The following IQCJ variants were observed in gnomAD, a reference collection of about 807,000 sequenced individuals.
IQCJ encodes IQ domain-containing protein J.
In IQCJ, 9 loss-of-function variants were observed where a neutral mutation model predicts 11.0. That is an observed-to-expected ratio of 0.82 (90% CI 0.49 to 1.43). The LOEUF (loss-of-function observed/expected upper bound fraction) is 1.43. Among genes scored for constraint, IQCJ ranks in the 40% most tolerant of loss-of-function variants. IQCJ has a pLI of 0.00. For missense variants in IQCJ, 146 were observed against 133.2 expected (o/e 1.10, Z -0.47); for synonymous variants, 55 against 51.3 (o/e 1.07, Z -0.31).
chr3:159,195,123 A>AT (rs71144476), intron 1 of IQCJ, among the ~76,000 whole-genome samples: 35 of 151,360 alleles, frequency 2.3e-4, no homozygotes, highest in African/African-American at 7.5e-4. Context: ...AAAAAAAAAA[A>AT]TCTGTATCAC....
chr3:159,112,273 A>G (rs1281245491), intron 1 of IQCJ, among the ~76,000 whole-genome samples: 1 of 152,048 alleles, frequency 6.6e-6, no homozygotes, highest in Non-Finnish European at 1.5e-5. Context: ...GATTTCTGCC[A>G]TTTGTTTATT....
At chr3:159,077,487 G>A (rs1716003589) in intron 1 of IQCJ, among the ~76,000 whole-genome samples, 1 of 152,068 alleles carries the variant, frequency 6.6e-6, no homozygotes, top group Admixed American at 6.6e-5. Context: ...AATAATTTAT[G>A]TTATATCCAT....
rs1436350247 is a variant in IQCJ at position 159,244,220 on chromosome 3, G to A, written c.10-1623G>A. On this transcript the variant is annotated intron_variant, in intron 1 of 3. Coordinates refer to ENST00000397832, the MANE Select transcript of IQCJ (RefSeq NM_001042706.3). ...TTTAGAGAAGAGATCAGATACAAAT[G>A]TAAAATAGAAGCTGTGAGACTGGCT... Among the ~76,000 whole-genome samples, 6 of 152,290 alleles carry A rather than the reference G, an allele frequency of 3.9e-5. No individual in the cohort carries two copies. The South Asian group carries it at 8.3e-4, about 21-fold the overall frequency.
chr3:159,199,586 C>T (rs181087575), intron 1 of IQCJ, among the ~76,000 whole-genome samples: 218 of 152,110 alleles, frequency 1.4e-3, no homozygotes, highest in African/African-American at 4.9e-3. Context: ...ACAGTTAAAG[C>T]GACAATCATT....
chr3:159,200,029 A>AATATATATATATATATATATAT, intron 1 of IQCJ, among the ~76,000 whole-genome samples: 1 of 98,040 alleles, frequency 1.0e-5, no homozygotes, highest in African/African-American at 5.7e-5. Flanking sequence ...GGAGTAAACG[A>AATATATATATATATATATATAT]CTATATATAT....
At chr3:159,119,749 T>C (rs1269096871) in intron 1 of IQCJ, among the ~76,000 whole-genome samples, 1 of 152,174 alleles carries the variant, frequency 6.6e-6, no homozygotes, top group African/African-American at 2.4e-5. Flanking sequence ...CAAAATCTCA[T>C]GCAGAACTTC....
intron 1 of IQCJ, among the ~76,000 whole-genome samples, chr3:159,074,440 A>ACCAGAAAT (rs1476723813): frequency 6.6e-6 from 1 of 152,114 alleles, no homozygotes; most frequent in African/African-American, 2.4e-5. Context: ...ATGTATAAGA[A>ACCAGAAAT]CCAGAAATGG....
At chr3:159,255,491 C>G (rs1577119275) in intron 3 of IQCJ, among the ~76,000 whole-genome samples, 1 of 152,144 alleles carries the variant, frequency 6.6e-6, no homozygotes, top group Non-Finnish European at 1.5e-5. Flanking sequence ...GATGGTTCCT[C>G]GTACTCAGGA....
chr3:159,155,487 C>T (rs1451435893), intron 1 of IQCJ, among the ~76,000 whole-genome samples: 1 of 152,150 alleles, frequency 6.6e-6, no homozygotes, highest in Non-Finnish European at 1.5e-5. Flanking sequence ...TAACAGTTAG[C>T]TAACATGGAT....
chr3:159,189,906 T>G (rs1253870707), intron 1 of IQCJ, among the ~76,000 whole-genome samples: 1 of 152,180 alleles, frequency 6.6e-6, no homozygotes, highest in Non-Finnish European at 1.5e-5. Context: ...TCCTCAAGTC[T>G]GCACTTATGC....
intron 1 of IQCJ, among the ~76,000 whole-genome samples, chr3:159,224,246 C>A (rs1194526474): frequency 1.3e-5 from 2 of 151,986 alleles, no homozygotes; most frequent in African/African-American, 4.8e-5. Context: ...CAAAGTAGAA[C>A]AATTTGAGTT....
intron 1 of IQCJ, among the ~76,000 whole-genome samples, chr3:159,188,133 G>A (rs191296309): frequency 3.3e-5 from 5 of 152,134 alleles, no homozygotes; most frequent in Admixed American, 2.0e-4. Flanking sequence ...TACTTTGGCC[G>A]GGCGCTGTGG....
At chr3:159,120,173 A>G (rs758912891) in intron 1 of IQCJ, among the ~76,000 whole-genome samples, 27 of 152,180 alleles carry the variant, frequency 1.8e-4, no homozygotes, top group African/African-American at 1.2e-4. Context: ...GCATACCCCC[A>G]GCAGTGCTGG....
chr3:159,236,545 T>C (rs996333237), intron 1 of IQCJ, among the ~76,000 whole-genome samples: 37 of 152,310 alleles, frequency 2.4e-4, no homozygotes, highest in African/African-American at 8.9e-4. Context: ...GCTGTGCAGC[T>C]GGGTCATTCC....
intron 1 of IQCJ, among the ~76,000 whole-genome samples, chr3:159,217,606 A>G (rs1176584838): frequency 6.6e-6 from 1 of 152,028 alleles, no homozygotes; most frequent in African/African-American, 2.4e-5. Flanking sequence ...TACCAGAGGT[A>G]CTCTCCTTCC....
intron 1 of IQCJ, among the ~76,000 whole-genome samples, chr3:159,144,276 C>T (rs1312797235): frequency 6.6e-6 from 1 of 152,142 alleles, no homozygotes; most frequent in Non-Finnish European, 1.5e-5. Context: ...CCTCTTGAAC[C>T]TTTGTTCTTA....
At chr3:159,087,789 T>G (rs1225136012) in intron 1 of IQCJ, among the ~76,000 whole-genome samples, 3 of 151,796 alleles carry the variant, frequency 2.0e-5, no homozygotes, top group Admixed American at 2.0e-4. Context: ...TTTTATTGCA[T>G]CTATTTGAGT....
rs1721112532 is a variant in IQCJ, at chr3:159,149,875, T to A, written c.9+80434T>A. On this transcript the variant is annotated intron_variant, in intron 1 of 3. Transcript: ENST00000397832. ...AGGGCAGGGAGGTGTGTTCCCTCCA[T>A]CTCTCCCCTGACTCATCTCTCCCTG... Among the ~76,000 whole-genome samples the A allele has an allele frequency of 2.6e-5, 4 of 152,072 alleles. No individual in the cohort carries two copies. In the South Asian group the frequency reaches 8.3e-4, roughly 31 times the overall value.
chr3:159,124,385 C>A (rs914145133), intron 1 of IQCJ, among the ~76,000 whole-genome samples: 4 of 152,070 alleles, frequency 2.6e-5, no homozygotes, highest in African/African-American at 9.7e-5. Flanking sequence ...GAGTAAATAC[C>A]AAAAATGTGG....
Sources: gnomAD v4.1 joint callset for allele counts (sites outside exome capture counted in the v4.1 genomes callset) on GRCh38, gnomAD v4.1.1 for gene constraint, MANE v1.5 for transcripts, NCBI Gene and HGNC (gene_info 2026-07-23, HGNC 2026-07-21) for gene names.